WDR37: variants seen among roughly 807,000 people sequenced by gnomAD.
WDR37 encodes the protein WD repeat-containing protein 37.
In WDR37, 19 loss-of-function variants were observed where a neutral mutation model predicts 62.9. The observed-to-expected ratio is 0.30, with a 90% CI of 0.21 to 0.44. The LOEUF is 0.44. Ranked by LOEUF, WDR37 falls within the 20% of genes least tolerant of loss-of-function variation. The probability of loss-of-function intolerance (pLI) is 1.00; values close to 1 mark genes in which losing one functional copy is unlikely to be tolerated. For missense variants in WDR37, 474 were observed against 657.6 expected, an observed-to-expected ratio of 0.72 and a Z score of 3.05; for synonymous variants, 250 against 260.9, an observed-to-expected ratio of 0.96 and a Z score of 0.40.
At position 1,103,625 on chromosome 10, in the gene WDR37, G is replaced by A. The variant is rs772935369; in HGVS notation, c.750G>A (p.Glu250=). The change falls in exon 10 of 14, where the codon GAG becomes GAA. Residue 250 remains glutamate (E), a synonymous_variant. Transcript: ENST00000263150. The surrounding 1 kb of genome is among the most constrained non-coding windows in gnomAD (Gnocchi z 6.3). ...AGATATCTGGGGAAGATGAAGTAGA[G>A]TGCTCTGACAAGGACGAGCCCGACC... ...DTSISGEDEV[E]CSDKDEPDLD... 3.1e-6 allele frequency: 5 copies of A among 1,614,208 alleles called. No individual in the cohort carries two copies. The Admixed American group carries it at 5.0e-5, about 16-fold the overall frequency.
Position 1,131,246 on chromosome 10 carries a change from G to C in WDR37, c.*1902G>C, listed in dbSNP as rs1835941038. 6.6e-6 allele frequency: 1 copy of C among 152,278 alleles called. No homozygotes were observed. 9.4% of individuals were successfully genotyped at this position (152,278 alleles called of 1,614,324 possible). ...CCACACTGCACATACAAAGGTCTGA[G>C]CCCAGGGCAGCTTCTGGGGCCACTG... is the stretch of plus-strand genomic sequence containing the variant. On this transcript the variant is annotated 3_prime_UTR_variant, in exon 14 of 14. Coordinates refer to ENST00000263150, the MANE Select transcript of WDR37 (RefSeq NM_014023.4).
In WDR37 at chr10:1,126,275, G is replaced by A. The variant is rs140034002; in HGVS notation, c.1353+1251G>A. On this transcript the variant is annotated intron_variant, in intron 13 of 13. Transcript: ENST00000263150. ...AAAAAAATCAGCCAGGCGTGGTGGC[G>A]GGCGTCTGTAGTCCCAGCTACTCGG... 1.6e-3 allele frequency among the ~76,000 whole-genome samples: 238 copies of A among 151,986 alleles called. 2 individuals carry two copies. The highest frequency in any genetic ancestry group is 2.2e-3 in the Non-Finnish European group (151 of 67,980).
intron 7 of WDR37, among the ~76,000 whole-genome samples, chr10:1,090,908 A>G (rs1032002395): frequency 1.3e-5 from 2 of 151,994 alleles, no homozygotes; most frequent in South Asian, 2.1e-4. Context: ...GCGCCTTTAA[A>G]TCATGGCTCA....
chr10:1,062,845 T>C (rs543917910), intron 1 of WDR37, among the ~76,000 whole-genome samples: 31 of 152,250 alleles, frequency 2.0e-4, no homozygotes, highest in African/African-American at 7.0e-4. Flanking sequence ...CCAAGCACTT[T>C]GGGAGGCTGA....
chr10:1,074,716 T>G (rs113604315), intron 2 of WDR37, among the ~76,000 whole-genome samples: 14 of 152,226 alleles, frequency 9.2e-5, no homozygotes, highest in African/African-American at 3.1e-4. Context: ...TTCTAGACAG[T>G]GTAGAGTGAC....
intron 2 of WDR37, among the ~76,000 whole-genome samples, chr10:1,075,539 A>G (rs1365784176): frequency 1.3e-5 from 2 of 151,336 alleles, no homozygotes; most frequent in African/African-American, 4.9e-5. Context: ...AGTATATATG[A>G]CATGATGTAA....
At chr10:1,080,628 G>A in intron 5 of WDR37, 152 bp downstream of exon 5, 2 of 872,404 alleles carry the variant, frequency 2.3e-6, no homozygotes, top group Admixed American at 2.5e-5. Flanking sequence ...TGTCCTGGCT[G>A]GGCATGGTGG....
chr10:1,084,395 G>T lies in WDR37; in HGVS notation c.397-8G>T, dbSNP rs764002086. On this transcript the variant is annotated splice_polypyrimidine_tract_variant and splice_region_variant and intron_variant, in intron 5 of 13. Transcript: ENST00000263150. ...ATTGTTTCACAAGACTCCCCATCTT[G>T]GTTTCAGATTGTCTCCAGCTTTAAG... 1.2e-6 allele frequency: 2 copies of T among 1,605,170 alleles called. No homozygotes were observed. The highest frequency in any genetic ancestry group is 1.7e-6 in the Non-Finnish European group (2 of 1,172,622).
intron 5 of WDR37, among the ~76,000 whole-genome samples, chr10:1,082,586 C>T (rs1414258052): frequency 6.6e-6 from 1 of 152,212 alleles, no homozygotes; most frequent in African/African-American, 2.4e-5. Flanking sequence ...TGCTGCTTTT[C>T]TGTTATGAAC....
chr10:1,126,298 C>T (rs111982964), intron 13 of WDR37, among the ~76,000 whole-genome samples: 186 of 150,746 alleles, frequency 1.2e-3, no homozygotes, highest in East Asian at 2.7e-3. Flanking sequence ...CCCAGCTACT[C>T]GGGAGGCTGA....
chr10:1,069,389 ATT>A (rs377212232), intron 1 of WDR37, among the ~76,000 whole-genome samples: 38,392 of 95,520 alleles, frequency 0.4, 8,139 homozygotes, highest in Middle Eastern at 0.52. Flanking sequence ...ATATATATAT[ATT>A]TTTTTTTTTT....
intron 11 of WDR37, among the ~76,000 whole-genome samples, chr10:1,106,228 C>A (rs1589112215): frequency 1.3e-5 from 2 of 152,204 alleles, no homozygotes; most frequent in East Asian, 3.9e-4. Context: ...CTCTTTTAAT[C>A]TCTGTTCCCC....
At position 1,105,485 on chromosome 10, in the gene WDR37, G is replaced by T. The variant is rs531593105; in HGVS notation, c.1103+218G>T. ...AGATTAAGAGAAGGCACCCTCCGAAGTTCTCTCAAGAAGTTTAATGCAGAC... is the reference window on the plus strand; with the variant it reads ...AGATTAAGAGAAGGCACCCTCCGAATTTCTCTCAAGAAGTTTAATGCAGAC... On this transcript the variant is annotated intron_variant, in intron 11 of 13. Transcript: ENST00000263150. The surrounding 1 kb of genome is among the most constrained non-coding windows in gnomAD (Gnocchi z 5.3). Among the ~76,000 whole-genome samples the T allele has an allele frequency of 6.6e-6, 1 of 152,300 alleles. No individual in the cohort carries two copies. The highest frequency in any genetic ancestry group is 1.9e-4 in the East Asian group (1 of 5,172).
At chr10:1,079,826 C>T (rs2131624686) in intron 3 of WDR37, among the ~76,000 whole-genome samples, 185 bp from the exon 4 acceptor site, 1 of 152,030 alleles carries the variant, frequency 6.6e-6, no homozygotes, top group East Asian at 1.9e-4. Context: ...CACCCAGCCT[C>T]GAATGGTTTC....
At position 1,103,228 on chromosome 10, in the gene WDR37, CT is replaced by C. The variant is rs1331227521; in HGVS notation, c.727-371del. ...TTTTTGTAATGTGATAAATTACTGACTTTCATTTGTATTTGGTTAGTTTTAT... is the reference window on the plus strand; with the variant it reads ...TTTTTGTAATGTGATAAATTACTGACTTCATTTGTATTTGGTTAGTTTTAT... On this transcript the variant is annotated intron_variant, in intron 9 of 13. Transcript: ENST00000263150. This position sits in a 1 kb window ranked among gnomAD's most constrained non-coding sequence, Gnocchi z 6.3. Among the ~76,000 whole-genome samples, 2 of 152,152 alleles carry C rather than the reference CT, an allele frequency of 1.3e-5. No homozygotes were observed. The highest frequency in any genetic ancestry group is 4.8e-5 in the African/African-American group (2 of 41,426).
chr10:1,062,340 C>T (rs936691902), intron 1 of WDR37, among the ~76,000 whole-genome samples: 1 of 152,172 alleles, frequency 6.6e-6, no homozygotes. Flanking sequence ...GAGATAAAAT[C>T]AGTGATCCAA....
chr10:1,094,755 A>G (rs946330683), intron 8 of WDR37, among the ~76,000 whole-genome samples: 8 of 152,032 alleles, frequency 5.3e-5, no homozygotes, highest in African/African-American at 1.7e-4. Flanking sequence ...GAGAGGGGAG[A>G]GTTAGACTAG....
chr10:1,106,562 G>A (rs149406965), intron 11 of WDR37, among the ~76,000 whole-genome samples: 2 of 152,274 alleles, frequency 1.3e-5, no homozygotes, highest in East Asian at 3.9e-4. Flanking sequence ...TGTCGCCCGG[G>A]CTGGAGTGCA....
At chr10:1,065,724 C>T (rs1833517833) in intron 1 of WDR37, among the ~76,000 whole-genome samples, 1 of 152,142 alleles carries the variant, frequency 6.6e-6, no homozygotes, top group South Asian at 2.1e-4. Context: ...TAGCTGGCAT[C>T]AAAGTTAATG....
Sources: allele counts gnomAD v4.1 joint callset (sites outside exome capture counted in the v4.1 genomes callset), GRCh38; gene constraint gnomAD v4.1.1; non-coding constraint Gnocchi (gnomAD v3.1); transcripts MANE v1.5; gene names NCBI Gene and HGNC (gene_info 2026-07-23, HGNC 2026-07-21).